The following RAB30 variants were observed in gnomAD, a reference collection of about 807,000 sequenced individuals.
The protein encoded by RAB30 is ras-related protein Rab-30.
In RAB30, 9 loss-of-function variants were observed where a neutral mutation model predicts 25.1. The ratio of observed to expected loss-of-function variants is 0.36; its 90% CI spans 0.22 to 0.63. The LOEUF (loss-of-function observed/expected upper bound fraction) is 0.63, where lower values mean the gene tolerates loss of function less well. RAB30 is among the 20% of genes least tolerant of loss of function. RAB30 has a pLI of 0.69. For missense variants in RAB30, 140 were observed against 243.5 expected (o/e 0.58, Z 2.83); for synonymous variants, 77 against 86.4 (o/e 0.89, Z 0.60).
intron 1 of RAB30, among the ~76,000 whole-genome samples, chr11:83,054,441 T>C (rs1590877619): frequency 6.6e-6 from 1 of 152,206 alleles, no homozygotes; most frequent in African/African-American, 2.4e-5. Context: ...ATTAGGTTTT[T>C]AGATCTGGGA....
rs1017299150 is a variant in RAB30, at chr11:82,977,919, A to G, written c.*4246T>C. On this transcript the variant is annotated 3_prime_UTR_variant, in exon 5 of 5. Coordinates refer to ENST00000527633, the MANE Select transcript of RAB30 (RefSeq NM_001286060.2). ...ATAATTTCTTAATTCAGTATGAAAA[A>G]ATTACCAGTGTGAAGAATGTAAAGG... 2 of 152,158 alleles carry G rather than the reference A, an allele frequency of 1.3e-5. No individual in the cohort carries two copies. Among genetic ancestry groups the G allele is most frequent in the African/African-American group, 4.8e-5 (2 of 41,432 alleles). The allele number at this position is 152,158 out of a possible 1,614,324, so 9.4% of individuals were successfully genotyped here. A position where few individuals can be genotyped will look rare whatever the true frequency, so the allele number is the denominator to read the frequency against.
chr11:83,030,595 C>T (rs182765334), intron 1 of RAB30, among the ~76,000 whole-genome samples: 74 of 152,116 alleles, frequency 4.9e-4, no homozygotes, highest in Non-Finnish European at 8.5e-4. Context: ...GCTAGGAGTT[C>T]GAAACTAGCC....
chr11:83,008,856 C>G (rs745438823), intron 1 of RAB30, among the ~76,000 whole-genome samples: 2 of 152,124 alleles, frequency 1.3e-5, no homozygotes, highest in Admixed American at 6.5e-5. Flanking sequence ...AGCCAGTCTA[C>G]GAAGTGTTTT....
intron 1 of RAB30, among the ~76,000 whole-genome samples, chr11:83,033,964 G>C (rs1323998949): frequency 6.6e-6 from 1 of 152,146 alleles, no homozygotes; most frequent in Non-Finnish European, 1.5e-5. Context: ...CTCGACAGCT[G>C]CCAGGAAACC....
At chr11:83,000,028 C>T (rs1857043820) in intron 1 of RAB30, among the ~76,000 whole-genome samples, 1 of 152,172 alleles carries the variant, frequency 6.6e-6, no homozygotes, top group Non-Finnish European at 1.5e-5. Context: ...TCATCATCAT[C>T]TCATTCTATA....
At chr11:82,983,598 AT>A (rs34673993) in intron 4 of RAB30, among the ~76,000 whole-genome samples, 145,001 of 150,384 alleles carry the variant, frequency 0.96, 69,918 homozygotes, top group East Asian at 1. Flanking sequence ...TGCCCAGCTA[AT>A]TTTTTTTTTT....
intron 1 of RAB30, among the ~76,000 whole-genome samples, chr11:83,013,810 G>A (rs1857356236): frequency 6.6e-6 from 1 of 152,186 alleles, no homozygotes; most frequent in African/African-American, 2.4e-5. Context: ...TTTATTGCAT[G>A]TCTACAATAA....
At chr11:82,991,082 T>C (rs1194709260) in intron 3 of RAB30, among the ~76,000 whole-genome samples, 2 of 152,050 alleles carry the variant, frequency 1.3e-5, no homozygotes, top group Non-Finnish European at 2.9e-5. Context: ...ACCAAGCGGG[T>C]GATGCCATAC....
At chr11:83,016,212 A>T (rs1011363973) in intron 1 of RAB30, among the ~76,000 whole-genome samples, 2 of 152,198 alleles carry the variant, frequency 1.3e-5, no homozygotes, top group East Asian at 3.8e-4. Context: ...CCACTGGTTG[A>T]CAGAGACAAG....
At chr11:83,029,532 G>A (rs572843967) in intron 1 of RAB30, among the ~76,000 whole-genome samples, 5 of 152,124 alleles carry the variant, frequency 3.3e-5, no homozygotes, top group African/African-American at 1.2e-4. Context: ...CTCCCAAAGT[G>A]CTGGGATTAC....
chr11:83,059,936 C>T (rs1207855446), intron 1 of RAB30: 1 of 152,240 alleles, frequency 6.6e-6, no homozygotes, highest in African/African-American at 2.4e-5. Context: ...TGGGGCCAGA[C>T]ACAGTGGCTC....
At chr11:83,056,336 G>A (rs537965582) in intron 1 of RAB30, among the ~76,000 whole-genome samples, 4 of 152,234 alleles carry the variant, frequency 2.6e-5, no homozygotes, top group South Asian at 2.1e-4. Flanking sequence ...GGTCATCCAC[G>A]TGGTGGCATG....
At chr11:82,988,506 C>T (rs148181325) in intron 3 of RAB30, among the ~76,000 whole-genome samples, 16 of 152,298 alleles carry the variant, frequency 1.1e-4, no homozygotes, top group Admixed American at 2.0e-4. Flanking sequence ...ATGACCTTGG[C>T]CAAGTCACTT....
At chr11:83,040,498 G>A (rs1025695585) in intron 1 of RAB30, among the ~76,000 whole-genome samples, 1 of 151,738 alleles carries the variant, frequency 6.6e-6, no homozygotes, top group East Asian at 1.9e-4. Context: ...GGCTGAGGCA[G>A]GAGAATTGCT....
At position 83,071,874 on chromosome 11, in the gene RAB30, G is replaced by A. The variant is rs1056044714; in HGVS notation, c.-192C>T. 11 of 382,698 alleles carry A rather than the reference G, an allele frequency of 2.9e-5. No individual in the cohort carries two copies. Among genetic ancestry groups the A allele is most frequent in the East Asian group, 3.8e-5 (1 of 26,606 alleles). 23.7% of individuals were successfully genotyped at this position (382,698 alleles called of 1,614,324 possible). On this transcript the variant is annotated 5_prime_UTR_variant, in exon 1 of 5. Transcript: ENST00000527633. ...GCAATCGCAAGCCCAGCAGCAGCAG[G>A]GGGTGGAGAGACCGTAGCACAATGA...
intron 1 of RAB30, among the ~76,000 whole-genome samples, chr11:83,059,060 AGCC>A (rs1274158897): frequency 6.6e-6 from 1 of 152,198 alleles, no homozygotes; most frequent in Non-Finnish European, 1.5e-5. Flanking sequence ...CTCCTGCCTC[AGCC>A]TCCCAAGTAG....
At chr11:83,006,362 A>G (rs1041762819) in intron 1 of RAB30, among the ~76,000 whole-genome samples, 2 of 152,240 alleles carry the variant, frequency 1.3e-5, no homozygotes, top group Non-Finnish European at 2.9e-5. Flanking sequence ...CCATACAACA[A>G]TGGACCACCA....
intron 1 of RAB30, among the ~76,000 whole-genome samples, chr11:83,015,246 T>C (rs539661567): frequency 6.6e-6 from 1 of 152,228 alleles, no homozygotes; most frequent in South Asian, 2.1e-4. Context: ...CTACTGCAAA[T>C]AGTCTAGGTG....
intron 1 of RAB30, among the ~76,000 whole-genome samples, chr11:83,001,911 T>G (rs1188239390): frequency 6.6e-6 from 1 of 152,180 alleles, no homozygotes; most frequent in Non-Finnish European, 1.5e-5. Flanking sequence ...ATTCAGTGCT[T>G]TTTATGTCCT....
Sources: allele counts gnomAD v4.1 joint callset (sites outside exome capture counted in the v4.1 genomes callset), GRCh38; gene constraint gnomAD v4.1.1; transcripts MANE v1.5; gene names NCBI Gene and HGNC (gene_info 2026-07-23, HGNC 2026-07-21).